Variants in PTPRD observed in about 807,000 individuals in gnomAD.
PTPRD encodes the protein protein tyrosine phosphatase receptor type D.
Under a neutral mutation model 214.5 loss-of-function variants are expected in PTPRD, and 34 were observed. The observed-to-expected ratio is 0.16, with a 90% CI of 0.12 to 0.21. The LOEUF is 0.21. Among genes scored for constraint, PTPRD ranks in the 10% least tolerant of loss-of-function variants. The pLI, the probability that PTPRD is intolerant of heterozygous loss-of-function variation, is 1.00. For synonymous variants in PTPRD, 1,128 were observed against 845.7 expected, an observed-to-expected ratio of 1.33 and a Z score of -5.79; for missense variants, 2,545 against 2,398.7, an observed-to-expected ratio of 1.06 and a Z score of -1.27.
intron 11 of PTPRD, among the ~76,000 whole-genome samples, chr9:8,894,242 C>G (rs1476577987): frequency 1.3e-5 from 2 of 150,800 alleles, no homozygotes; most frequent in East Asian, 2.0e-4. Flanking sequence ...GTAATCCCAG[C>G]TACTCAGGAG....
At chr9:9,313,517 T>C (rs768675420) in intron 9 of PTPRD, among the ~76,000 whole-genome samples, 1 of 152,184 alleles carries the variant, frequency 6.6e-6, no homozygotes, top group Non-Finnish European at 1.5e-5. Context: ...AATCATCTAA[T>C]GATGAAATCT....
chr9:10,447,699 G>A (rs938928391), intron 2 of PTPRD, among the ~76,000 whole-genome samples: 1 of 151,950 alleles, frequency 6.6e-6, no homozygotes, highest in African/African-American at 2.4e-5. Context: ...CCATCACAGT[G>A]AAGTACATGA....
At chr9:9,879,889 A>T (rs1016417519) in intron 5 of PTPRD, among the ~76,000 whole-genome samples, 4 of 152,174 alleles carry the variant, frequency 2.6e-5, no homozygotes, top group Non-Finnish European at 5.9e-5. Context: ...CAGTTGGGTC[A>T]GTATTGCCAA....
chr9:10,099,756 G>C (rs999506131), intron 3 of PTPRD, among the ~76,000 whole-genome samples: 18 of 151,432 alleles, frequency 1.2e-4, no homozygotes, highest in African/African-American at 4.4e-4. Context: ...TGTGGAAGTG[G>C]AGCAAACTTA....
chr9:9,331,296 C>T (rs1313445411), intron 9 of PTPRD, among the ~76,000 whole-genome samples: 3 of 151,922 alleles, frequency 2.0e-5, no homozygotes, highest in Non-Finnish European at 4.4e-5. Context: ...CTTTTTCCAC[C>T]CCCATTTCCA....
At chr9:8,413,038 TTAAGA>T (rs1437495941) in intron 35 of PTPRD, among the ~76,000 whole-genome samples, 1 of 152,206 alleles carries the variant, frequency 6.6e-6, no homozygotes, top group African/African-American at 2.4e-5. Flanking sequence ...AGGAAAATTG[TTAAGA>T]TAAATCATCT....
chr9:9,748,330 T>G (rs1030936663), intron 6 of PTPRD, among the ~76,000 whole-genome samples: 4 of 152,168 alleles, frequency 2.6e-5, no homozygotes, highest in Admixed American at 6.5e-5. Context: ...TTGTTCTTAA[T>G]AACAAAAATA....
At chr9:8,582,272 C>A (rs1284734327) in intron 14 of PTPRD, among the ~76,000 whole-genome samples, 1 of 152,124 alleles carries the variant, frequency 6.6e-6, no homozygotes, top group African/African-American at 2.4e-5. Context: ...ACAGAAAAAT[C>A]CATTTCAGAT....
chr9:8,444,463 T>C (rs186980242), intron 34 of PTPRD, among the ~76,000 whole-genome samples: 1 of 152,066 alleles, frequency 6.6e-6, no homozygotes, highest in Non-Finnish European at 1.5e-5. Context: ...TGAAACTCTA[T>C]ATGGCAGATA....
chr9:8,680,236 C>G (rs1200056613), intron 12 of PTPRD, among the ~76,000 whole-genome samples: 1 of 152,090 alleles, frequency 6.6e-6, no homozygotes, highest in East Asian at 1.9e-4. Flanking sequence ...AGCAAAAGCG[C>G]TAACACTGGA....
chr9:10,540,556 T>C (rs2058876308), intron 2 of PTPRD, among the ~76,000 whole-genome samples: 1 of 152,204 alleles, frequency 6.6e-6, no homozygotes, highest in South Asian at 2.1e-4. Flanking sequence ...TCTGAAAATA[T>C]CTCATTTTGC....
At chr9:8,571,269 G>A (rs2091065429) in intron 14 of PTPRD, among the ~76,000 whole-genome samples, 1 of 151,972 alleles carries the variant, frequency 6.6e-6, no homozygotes, top group African/African-American at 2.4e-5. Context: ...TAAGAGTTTA[G>A]GGTCTCCCTT....
chr9:10,526,470 T>C (rs2134428722), intron 2 of PTPRD, among the ~76,000 whole-genome samples: 1 of 152,146 alleles, frequency 6.6e-6, no homozygotes, highest in South Asian at 2.1e-4. Flanking sequence ...TGAGAATAAA[T>C]AAGTAAAAGG....
intron 2 of PTPRD, among the ~76,000 whole-genome samples, chr9:10,556,572 T>G (rs2062655951): frequency 6.6e-6 from 1 of 152,090 alleles, no homozygotes; most frequent in Non-Finnish European, 1.5e-5. Context: ...CCTTAATAAT[T>G]GTTACTTTTC....
At chr9:9,611,735 T>G (rs938756322) in intron 7 of PTPRD, among the ~76,000 whole-genome samples, 1 of 152,142 alleles carries the variant, frequency 6.6e-6, no homozygotes, top group African/African-American at 2.4e-5. Context: ...GTATATTTAT[T>G]GACTGATGTA....
At chr9:8,829,719 G>C (rs1252931643) in intron 11 of PTPRD, among the ~76,000 whole-genome samples, 1 of 152,052 alleles carries the variant, frequency 6.6e-6, no homozygotes, top group Non-Finnish European at 1.5e-5. Context: ...GATATATTTT[G>C]ACAGCACAGA....
At chr9:9,650,635 G>A (rs1229379944) in intron 7 of PTPRD, among the ~76,000 whole-genome samples, 4 of 152,032 alleles carry the variant, frequency 2.6e-5, no homozygotes, top group Non-Finnish European at 5.9e-5. Context: ...AGAGAATGAA[G>A]GGTGAGAGGA....
chr9:9,468,435 A>G (rs1469978109), intron 8 of PTPRD, among the ~76,000 whole-genome samples: 1 of 152,048 alleles, frequency 6.6e-6, no homozygotes, highest in Admixed American at 6.5e-5. Flanking sequence ...ACACAAGTAT[A>G]CTTATGTGTG....
chr9:8,915,659 G>A (rs1342611792), intron 11 of PTPRD, among the ~76,000 whole-genome samples: 1 of 152,126 alleles, frequency 6.6e-6, no homozygotes, highest in Non-Finnish European at 1.5e-5. Context: ...TTGAGACCAA[G>A]GAAGAGATGA....
Sources: allele counts gnomAD v4.1 joint callset (sites outside exome capture counted in the v4.1 genomes callset), GRCh38; gene constraint gnomAD v4.1.1; transcripts MANE v1.5; gene names NCBI Gene and HGNC (gene_info 2026-07-23, HGNC 2026-07-21).